DGKB: variants seen among roughly 807,000 people sequenced by gnomAD.
DGKB encodes 90 kDa diacylglycerol kinase.
A neutral mutation model predicts 114.3 loss-of-function variants in DGKB; 67 were observed. That is an observed-to-expected ratio of 0.59 (90% CI 0.48 to 0.72). The LOEUF is 0.72. Ranked by LOEUF, DGKB falls within the 30% of genes least tolerant of loss-of-function variation. The probability of loss-of-function intolerance (pLI) is 0.00; values close to 1 mark genes in which losing one functional copy is unlikely to be tolerated. For synonymous variants in DGKB, 398 were observed against 323.1 expected (o/e 1.23, Z -2.49); for missense variants, 907 against 975.2 (o/e 0.93, Z 0.93).
At chr7:14,204,617 C>A (rs1194749649) in intron 23 of DGKB, among the ~76,000 whole-genome samples, 2 of 152,004 alleles carry the variant, frequency 1.3e-5, no homozygotes, top group African/African-American at 4.8e-5. Context: ...TCTTCATTGG[C>A]CCTTTGCCCA....
In DGKB at chr7:14,694,082, A is replaced by C; in HGVS notation, c.704T>G (p.Leu235Ter). 6.3e-7 allele frequency: 1 copy of C among 1,585,720 alleles called. No homozygotes were observed. The highest frequency in any genetic ancestry group is 8.6e-7 in the Non-Finnish European group (1 of 1,163,978). Residue 235 changes from leucine to a stop codon, truncating the protein, a stop_gained, in exon 9 of 26, where the codon TTA becomes TGA. Coordinates refer to ENST00000402815, the MANE Select transcript of DGKB (RefSeq NM_001350709.2). LOFTEE classifies it high-confidence loss of function. ...TTIPLLVLLG[L>*]ENNVKDDGQH... ...CTCTGTGGAAATGCTTACATTTTCTAAGCCCAGGAGCACAAGAAGTGGAAT... is the reference window on the plus strand; with the variant it reads ...CTCTGTGGAAATGCTTACATTTTCTCAGCCCAGGAGCACAAGAAGTGGAAT...
chr7:14,185,974 C>A (rs1199717186), intron 23 of DGKB, among the ~76,000 whole-genome samples: 1 of 152,118 alleles, frequency 6.6e-6, no homozygotes, highest in Non-Finnish European at 1.5e-5. Context: ...ATTTCATGAC[C>A]AAGAACCCAA....
chr7:14,695,494 CTTTTTTTTTTT>C lies in DGKB; in HGVS notation c.592-1311_592-1301del, dbSNP rs1173622205. Among the ~76,000 whole-genome samples the C allele has an allele frequency of 1.3e-4, 10 of 75,166 alleles. 1 individual carries two copies. In the East Asian group the frequency reaches 4.1e-3, roughly 31 times the overall value. 49.3% of individuals were successfully genotyped at this position (75,166 alleles called of 152,430 possible). A position where few individuals can be genotyped will look rare whatever the true frequency, so the allele number is the denominator to read the frequency against. Reference sequence around the variant, plus strand: ...AATGTTCATTTCTCTCTCTCTCTCTCTTTTTTTTTTTTTTTTTTTTTTTGAGATGGAGTCTC... The same window carrying C: ...AATGTTCATTTCTCTCTCTCTCTCTCTTTTTTTTTTTTGAGATGGAGTCTC... On this transcript the variant is annotated intron_variant, in intron 8 of 25. Transcript: ENST00000402815.
intron 1 of DGKB, among the ~76,000 whole-genome samples, chr7:14,951,618 A>C (rs1786204459): frequency 6.6e-6 from 1 of 152,102 alleles, no homozygotes; most frequent in Admixed American, 6.6e-5. Flanking sequence ...AAACCAAAAG[A>C]ATGTACAATA....
chr7:14,882,672 TGAGTAA>T (rs1854419874), intron 1 of DGKB, among the ~76,000 whole-genome samples: 2 of 151,994 alleles, frequency 1.3e-5, no homozygotes, highest in Non-Finnish European at 2.9e-5. Context: ...CACCCACTTA[TGAGTAA>T]GAGTATGCAA....
chr7:14,819,924 G>A (rs1383530124), intron 2 of DGKB, among the ~76,000 whole-genome samples: 2 of 152,146 alleles, frequency 1.3e-5, no homozygotes, highest in Admixed American at 6.6e-5. Context: ...GATTGGAATA[G>A]GTATAAATAT....
At chr7:14,894,449 GA>G (rs1200450796) in intron 1 of DGKB, among the ~76,000 whole-genome samples, 30 of 151,426 alleles carry the variant, frequency 2.0e-4, no homozygotes, top group African/African-American at 6.5e-4. Context: ...TCTTAGTGGA[GA>G]AAAATTTTTT....
rs543394597 is a variant in DGKB at position 14,412,975 on chromosome 7, C to T, written c.1835+65186G>A. 3.2e-3 allele frequency among the ~76,000 whole-genome samples: 271 copies of T among 84,230 alleles called. 4 individuals carry two copies. Among genetic ancestry groups the T allele is most frequent in the Non-Finnish European group, 2.4e-3 (85 of 35,136 alleles). The allele number at this position is 84,230 out of a possible 152,430, so 55.3% of individuals were successfully genotyped here. ...CAGCCCAGGTGACAGAGCAAGACTCCAGCTCAAAAAAAAAAAAAAGTCAGT... is the reference window on the plus strand; with the variant it reads ...CAGCCCAGGTGACAGAGCAAGACTCTAGCTCAAAAAAAAAAAAAAGTCAGT... On this transcript the variant is annotated intron_variant, in intron 21 of 25. Transcript: ENST00000402815.
At chr7:14,818,979 A>T (rs1586712424) in intron 2 of DGKB, among the ~76,000 whole-genome samples, 1 of 152,316 alleles carries the variant, frequency 6.6e-6, no homozygotes, top group Non-Finnish European at 1.5e-5. Context: ...ATATTTAGTT[A>T]TTGATTATGG....
chr7:14,408,256 C>T (rs1211807868), intron 21 of DGKB, among the ~76,000 whole-genome samples: 1 of 151,878 alleles, frequency 6.6e-6, no homozygotes, highest in Non-Finnish European at 1.5e-5. Context: ...TTAATAAACC[C>T]TAGGTGTTGG....
At chr7:14,512,616 C>T (rs1274463984) in intron 20 of DGKB, among the ~76,000 whole-genome samples, 1 of 151,976 alleles carries the variant, frequency 6.6e-6, no homozygotes, top group East Asian at 1.9e-4. Context: ...TGACTTCCAG[C>T]CATTGAGAAA....
At chr7:14,885,750 T>C (rs1170947148) in intron 1 of DGKB, among the ~76,000 whole-genome samples, 2 of 151,936 alleles carry the variant, frequency 1.3e-5, no homozygotes, top group East Asian at 3.9e-4. Context: ...AATGAGTTGC[T>C]ATTATTAATC....
At chr7:14,533,348 T>C (rs1013623791) in intron 20 of DGKB, among the ~76,000 whole-genome samples, 1 of 151,574 alleles carries the variant, frequency 6.6e-6, no homozygotes, top group Non-Finnish European at 1.5e-5. Context: ...TCTCCGATCA[T>C]AAAAGCAAAA....
At position 14,254,658 on chromosome 7, in the gene DGKB, T is replaced by A. The variant is rs183234365; in HGVS notation, c.2123-76507A>T. ...CCCTACATATACATACATAGAGTACTTTATATATTTCAATTATTATTTCTA... is the reference window on the plus strand; with the variant it reads ...CCCTACATATACATACATAGAGTACATTATATATTTCAATTATTATTTCTA... On this transcript the variant is annotated intron_variant, in intron 23 of 25. Transcript: ENST00000402815. Among the ~76,000 whole-genome samples the A allele has an allele frequency of 2.6e-5, 4 of 152,340 alleles. No homozygotes were observed. In the East Asian group the frequency reaches 7.7e-4, roughly 29 times the overall value.
intron 21 of DGKB, among the ~76,000 whole-genome samples, chr7:14,469,406 A>C (rs1780944740): frequency 6.6e-6 from 1 of 152,124 alleles, no homozygotes; most frequent in Admixed American, 6.6e-5. Context: ...CAGTGGCAAA[A>C]ATAAAAAATG....
chr7:14,614,945 T>G (rs779575786), intron 15 of DGKB, among the ~76,000 whole-genome samples: 2 of 152,040 alleles, frequency 1.3e-5, no homozygotes, highest in African/African-American at 4.8e-5. Flanking sequence ...ACATAAAGTG[T>G]CTATTATCTT....
At chr7:14,875,025 T>C (rs893452207) in intron 1 of DGKB, among the ~76,000 whole-genome samples, 2 of 152,118 alleles carry the variant, frequency 1.3e-5, no homozygotes, top group East Asian at 3.9e-4. Flanking sequence ...GGAGTTTTTC[T>C]TCTGTGAGAA....
chr7:14,208,175 T>G (rs1301750775), intron 23 of DGKB, among the ~76,000 whole-genome samples: 1 of 151,966 alleles, frequency 6.6e-6, no homozygotes, highest in African/African-American at 2.4e-5. Flanking sequence ...AGTGAGAGAG[T>G]ATATTCAACA....
At chr7:14,880,221 G>C (rs149421913) in intron 1 of DGKB, among the ~76,000 whole-genome samples, 955 of 87,350 alleles carry the variant, frequency 0.011, 3 homozygotes, top group South Asian at 0.047. Flanking sequence ...AGTATTTTGG[G>C]AGGCCAAGGC....
Sources: gnomAD v4.1 joint callset for allele counts (sites outside exome capture counted in the v4.1 genomes callset) on GRCh38, gnomAD v4.1.1 for gene constraint, MANE v1.5 for transcripts, NCBI Gene and HGNC (gene_info 2026-07-23, HGNC 2026-07-21) for gene names.